NRG3: variants seen among roughly 807,000 people sequenced by gnomAD.
NRG3 encodes the protein pro-neuregulin-3, membrane-bound isoform.
In NRG3, 31 loss-of-function variants were observed where a neutral mutation model predicts 66.9. The ratio of observed to expected loss-of-function variants is 0.46; its 90% CI spans 0.35 to 0.63. The LOEUF (loss-of-function observed/expected upper bound fraction) is 0.63. NRG3 is among the 20% of genes least tolerant of loss of function. NRG3 has a pLI of 0.00. For missense variants in NRG3, 910 were observed against 878.9 expected (o/e 1.04, Z -0.45); for synonymous variants, 393 against 359.4 (o/e 1.09, Z -1.06).
chr10:82,438,093 C>T lies in NRG3; in HGVS notation c.953+79225C>T, dbSNP rs143416939. 9.2e-5 allele frequency among the ~76,000 whole-genome samples: 14 copies of T among 152,218 alleles called. No individual in the cohort carries two copies. In the East Asian group the frequency reaches 2.5e-3, roughly 27 times the overall value. On this transcript the variant is annotated intron_variant, in intron 2 of 8. Transcript: ENST00000372141. Reference sequence around the variant, plus strand: ...GTCCTTTGGTGGAGAGAGTGTGCTTCACTGGGGGGAAACCCACTCTTCTGG... The same window carrying T: ...GTCCTTTGGTGGAGAGAGTGTGCTTTACTGGGGGGAAACCCACTCTTCTGG...
At chr10:82,167,217 T>C (rs2072153349) in intron 1 of NRG3, among the ~76,000 whole-genome samples, 1 of 152,084 alleles carries the variant, frequency 6.6e-6, no homozygotes. Flanking sequence ...ACATTGCAAA[T>C]TTTACTTGTT....
At chr10:82,439,032 C>T (rs2090299409) in intron 2 of NRG3, among the ~76,000 whole-genome samples, 2 of 151,750 alleles carry the variant, frequency 1.3e-5, no homozygotes, top group South Asian at 4.1e-4. Flanking sequence ...TTCTACTATA[C>T]CTTTGTGTTT....
intron 2 of NRG3, among the ~76,000 whole-genome samples, chr10:82,553,125 A>G (rs760605096): frequency 6.6e-6 from 1 of 152,126 alleles, no homozygotes; most frequent in Non-Finnish European, 1.5e-5. Flanking sequence ...GAATGTTGCA[A>G]TTCTAAAGAT....
At chr10:82,601,573 A>G (rs1025041289) in intron 2 of NRG3, among the ~76,000 whole-genome samples, 5 of 152,088 alleles carry the variant, frequency 3.3e-5, no homozygotes, top group African/African-American at 9.6e-5. Flanking sequence ...CTGGCAATCT[A>G]TTAGAATCTT....
In NRG3 at chr10:82,140,597, T is replaced by G. The variant is rs781296937; in HGVS notation, c.824-218142T>G. 5.9e-5 allele frequency among the ~76,000 whole-genome samples: 9 copies of G among 152,232 alleles called. No homozygotes were observed. In the South Asian group the frequency reaches 6.2e-4, roughly 11 times the overall value. On this transcript the variant is annotated intron_variant, in intron 1 of 8. Coordinates refer to ENST00000372141, the MANE Select transcript of NRG3 (RefSeq NM_001010848.4). The stretch of plus-strand genomic sequence containing the variant: ...ATAAGTCAATGCTGGCTGGGTGCAG[T>G]GACTCACATCTTTAGTCCCAGGTAC...
intron 1 of NRG3, among the ~76,000 whole-genome samples, chr10:82,117,166 C>T (rs1404512050): frequency 6.6e-6 from 1 of 152,094 alleles, no homozygotes; most frequent in Non-Finnish European, 1.5e-5. Context: ...TTTCCAACTC[C>T]CCCAGGCGGA....
At chr10:82,400,479 T>C (rs113957350) in intron 2 of NRG3, among the ~76,000 whole-genome samples, 223 of 152,256 alleles carry the variant, frequency 1.5e-3, no homozygotes, top group African/African-American at 5.0e-3. Context: ...TTAACAAGCT[T>C]CAGATGACAC....
intron 1 of NRG3, among the ~76,000 whole-genome samples, chr10:82,157,957 C>T (rs2071304286): frequency 6.6e-6 from 1 of 151,624 alleles, no homozygotes; most frequent in South Asian, 2.1e-4. Context: ...CTGAATGTTC[C>T]TGTGAGCATC....
intron 2 of NRG3, among the ~76,000 whole-genome samples, chr10:82,636,917 A>T (rs1164114546): frequency 6.6e-6 from 1 of 151,920 alleles, no homozygotes; most frequent in Non-Finnish European, 1.5e-5. Context: ...GATTAAGGGT[A>T]GGAAATGGGG....
intron 1 of NRG3, among the ~76,000 whole-genome samples, chr10:82,313,521 T>G (rs1054524530): frequency 2.5e-4 from 38 of 152,086 alleles, no homozygotes; most frequent in African/African-American, 9.2e-4. Flanking sequence ...ACCAAAGGTC[T>G]CAGATGCCAT....
At chr10:82,707,058 T>TA (rs1171762103) in intron 2 of NRG3, among the ~76,000 whole-genome samples, 80 of 147,950 alleles carry the variant, frequency 5.4e-4, no homozygotes, top group Non-Finnish European at 8.5e-4. Flanking sequence ...TTTGATATAT[T>TA]AAAAAATAAA....
At chr10:82,963,173 A>G (rs1002839881) in intron 6 of NRG3, among the ~76,000 whole-genome samples, 8 of 152,212 alleles carry the variant, frequency 5.3e-5, no homozygotes, top group African/African-American at 1.9e-4. Context: ...AGGAGGTCAC[A>G]TGTGAATTGA....
At chr10:82,982,584 G>C (rs573021076) in intron 8 of NRG3, among the ~76,000 whole-genome samples, 15 of 152,270 alleles carry the variant, frequency 9.9e-5, no homozygotes, top group Admixed American at 7.8e-4. Flanking sequence ...GCTTGCCACT[G>C]TGTCTCTGGT....
At position 82,452,820 on chromosome 10, in the gene NRG3, GC is replaced by G. The variant is rs112765068; in HGVS notation, c.953+93955del. Among the ~76,000 whole-genome samples, 485 of 152,208 alleles carry G rather than the reference GC, an allele frequency of 3.2e-3. 1 individual carries two copies. The highest frequency in any genetic ancestry group is 0.011 in the African/African-American group (461 of 41,532). On this transcript the variant is annotated intron_variant, in intron 2 of 8. Transcript: ENST00000372141. ...AACTGTCAAGTCTCCCTGAGTATTT[GC>G]CCAACATCCATTGAGCACATGGCAA...
At chr10:82,588,141 C>A (rs934319506) in intron 2 of NRG3, among the ~76,000 whole-genome samples, 1 of 152,118 alleles carries the variant, frequency 6.6e-6, no homozygotes, top group African/African-American at 2.4e-5. Context: ...TACCCAGGAC[C>A]TCCTGGTTCC....
At chr10:82,446,788 AC>A in intron 2 of NRG3, among the ~76,000 whole-genome samples, 1 of 152,310 alleles carries the variant, frequency 6.6e-6, no homozygotes, top group Non-Finnish European at 1.5e-5. Context: ...GTACTCTGGA[AC>A]TTAAACGTTG....
rs142316135 is a variant in NRG3 at position 82,145,448 on chromosome 10, G to C, written c.824-213291G>C. On this transcript the variant is annotated intron_variant, in intron 1 of 8. Transcript: ENST00000372141. ...GTAAAATGGGAATATCAAAGCTCAT[G>C]TGTTCTCACATGATTTTTATGGAAA... Among the ~76,000 whole-genome samples the C allele has an allele frequency of 2.9e-3, 443 of 152,256 alleles. 1 individual carries two copies. The highest frequency in any genetic ancestry group is 0.01 in the African/African-American group (416 of 41,554).
intron 2 of NRG3, among the ~76,000 whole-genome samples, chr10:82,578,444 A>C (rs952839277): frequency 6.6e-6 from 1 of 151,184 alleles, no homozygotes; most frequent in Non-Finnish European, 1.5e-5. Context: ...TAAACAAATA[A>C]GTATTGCTGT....
chr10:82,873,776 G>C (rs2136004083), intron 4 of NRG3, among the ~76,000 whole-genome samples: 1 of 152,260 alleles, frequency 6.6e-6, no homozygotes, highest in South Asian at 2.1e-4. Context: ...GATCTTTAAT[G>C]CAAATTTCCT....
Sources: gnomAD v4.1 joint callset for allele counts (sites outside exome capture counted in the v4.1 genomes callset) on GRCh38, gnomAD v4.1.1 for gene constraint, MANE v1.5 for transcripts, NCBI Gene and HGNC (gene_info 2026-07-23, HGNC 2026-07-21) for gene names.